PKNOX2: variants seen among roughly 807,000 people sequenced by gnomAD.
PKNOX2 encodes the protein homeobox protein PKNOX2.
A neutral mutation model predicts 53.1 loss-of-function variants in PKNOX2; 14 were observed. The ratio of observed to expected loss-of-function variants is 0.26; its 90% CI spans 0.17 to 0.41. The LOEUF (loss-of-function observed/expected upper bound fraction) is 0.41, where lower values mean the gene tolerates loss of function less well. Among genes scored for constraint, PKNOX2 ranks in the 10% least tolerant of loss-of-function variants. The pLI is 1.00. For synonymous variants in PKNOX2, 257 were observed against 242.8 expected (o/e 1.06, Z -0.54); for missense variants, 496 against 602.8 (o/e 0.82, Z 1.85).
intron 2 of PKNOX2, among the ~76,000 whole-genome samples, chr11:125,274,496 C>T (rs1946028962): frequency 6.6e-6 from 1 of 152,204 alleles, no homozygotes. Flanking sequence ...CTCATGAAAC[C>T]GTGGCCTTTT....
At chr11:125,214,064 TG>T (rs1023945801) in intron 1 of PKNOX2, among the ~76,000 whole-genome samples, 14 of 152,056 alleles carry the variant, frequency 9.2e-5, no homozygotes, top group African/African-American at 3.4e-4. Flanking sequence ...ATGATAGGAA[TG>T]AGACCCAAAG....
chr11:125,344,458 G>A (rs1950869584), intron 3 of PKNOX2, among the ~76,000 whole-genome samples: 1 of 152,166 alleles, frequency 6.6e-6, no homozygotes, highest in Admixed American at 6.5e-5. Flanking sequence ...ACTCCATGTG[G>A]CATTTAAGGG....
At chr11:125,393,033 C>T (rs184533155) in intron 6 of PKNOX2, among the ~76,000 whole-genome samples, 63 of 151,530 alleles carry the variant, frequency 4.2e-4, no homozygotes, top group Admixed American at 7.9e-4. Context: ...GGCGTGGTGG[C>T]GGGCGTGGTC....
At chr11:125,402,832 G>GC (rs1337533940) in intron 7 of PKNOX2, among the ~76,000 whole-genome samples, 40 of 152,308 alleles carry the variant, frequency 2.6e-4, no homozygotes, top group African/African-American at 9.4e-4. Context: ...CCCAGACCCA[G>GC]CCCTCACACC....
At chr11:125,368,680 G>A (rs906051208) in intron 5 of PKNOX2, among the ~76,000 whole-genome samples, 12 of 152,204 alleles carry the variant, frequency 7.9e-5, no homozygotes, top group East Asian at 3.8e-4. Flanking sequence ...TTCTGCATCT[G>A]CCCCACGCAT....
At chr11:125,174,419 A>G (rs1051640850) in intron 1 of PKNOX2, among the ~76,000 whole-genome samples, 2 of 152,322 alleles carry the variant, frequency 1.3e-5, no homozygotes, top group Admixed American at 6.5e-5. Flanking sequence ...ACCTTGACTC[A>G]TCTCTTAACT....
At chr11:125,372,359 C>A (rs975071203) in intron 5 of PKNOX2, among the ~76,000 whole-genome samples, 2 of 150,092 alleles carry the variant, frequency 1.3e-5, no homozygotes, top group Non-Finnish European at 3.0e-5. Context: ...AGGTTCCAGG[C>A]GCACAGTCTC....
At chr11:125,367,486 C>G (rs970260756) in intron 4 of PKNOX2, among the ~76,000 whole-genome samples, 1 of 152,166 alleles carries the variant, frequency 6.6e-6, no homozygotes, top group Non-Finnish European at 1.5e-5. Flanking sequence ...CAAATCAACG[C>G]TATGATGGGC....
At chr11:125,259,013 C>A in intron 2 of PKNOX2, 1 of 182,086 alleles carries the variant, frequency 5.5e-6, no homozygotes, top group South Asian at 8.0e-5. Flanking sequence ...CGGACACATA[C>A]TAGGATCTCA....
chr11:125,193,682 G>A (rs1282070336), intron 1 of PKNOX2, among the ~76,000 whole-genome samples: 2 of 152,154 alleles, frequency 1.3e-5, no homozygotes, highest in African/African-American at 2.4e-5. Context: ...TGCAGAGAGG[G>A]GCATTGACCT....
intron 6 of PKNOX2, among the ~76,000 whole-genome samples, chr11:125,390,432 C>T (rs1400487842): frequency 6.6e-6 from 1 of 152,168 alleles, no homozygotes; most frequent in Non-Finnish European, 1.5e-5. Flanking sequence ...TTCTCATTTT[C>T]TTCTAGCTAC....
chr11:125,394,633 G>A (rs765328634), intron 6 of PKNOX2, among the ~76,000 whole-genome samples: 1 of 152,146 alleles, frequency 6.6e-6, no homozygotes, highest in Non-Finnish European at 1.5e-5. Context: ...CAATTCTCTG[G>A]GAGAGATTTC....
At chr11:125,409,861 T>C (rs1035526898) in intron 7 of PKNOX2, among the ~76,000 whole-genome samples, 2 of 151,904 alleles carry the variant, frequency 1.3e-5, no homozygotes, top group Admixed American at 6.6e-5. Context: ...TAAATGAGAC[T>C]CTCTGAGATT....
chr11:125,350,676 A>G (rs1284401616), intron 3 of PKNOX2, among the ~76,000 whole-genome samples: 1 of 152,106 alleles, frequency 6.6e-6, no homozygotes, highest in African/African-American at 2.4e-5. Context: ...CCCTTCCCCA[A>G]GGCCTCCAGG....
chr11:125,340,974 C>T (rs1398528523), intron 3 of PKNOX2, among the ~76,000 whole-genome samples: 1 of 149,318 alleles, frequency 6.7e-6, no homozygotes, highest in Non-Finnish European at 1.5e-5. Context: ...CGCTTGAACC[C>T]GGAAGGCAGA....
At chr11:125,221,112 G>A (rs866425792) in intron 1 of PKNOX2, among the ~76,000 whole-genome samples, 2 of 152,048 alleles carry the variant, frequency 1.3e-5, no homozygotes, top group Non-Finnish European at 1.5e-5. Flanking sequence ...CCGAGATCGC[G>A]CCACTGCACT....
chr11:125,176,625 C>T (rs1396656435), intron 1 of PKNOX2, among the ~76,000 whole-genome samples: 1 of 152,208 alleles, frequency 6.6e-6, no homozygotes, highest in Non-Finnish European at 1.5e-5. Flanking sequence ...AGAGTAGGCG[C>T]ATGAACTCTA....
At chr11:125,368,028 C>T (rs748236263) in intron 5 of PKNOX2, 43 bp downstream of exon 5, 1 of 1,589,828 alleles carries the variant, frequency 6.3e-7, no homozygotes, top group South Asian at 1.1e-5. Flanking sequence ...CAACCAGCTT[C>T]AGGCCCAGCT....
At chr11:125,313,742 CAAATAA>C (rs1314896370) in intron 2 of PKNOX2, among the ~76,000 whole-genome samples, 1 of 152,068 alleles carries the variant, frequency 6.6e-6, no homozygotes, top group East Asian at 1.9e-4. Context: ...TGTATCTATT[CAAATAA>C]AAATAAAAAT....
Sources: allele counts gnomAD v4.1 joint callset (sites outside exome capture counted in the v4.1 genomes callset), GRCh38; gene constraint gnomAD v4.1.1; transcripts MANE v1.5; gene names NCBI Gene and HGNC (gene_info 2026-07-23, HGNC 2026-07-21).